EVC: variants seen among roughly 807,000 people sequenced by gnomAD.
EVC encodes the protein evC complex member EVC.
In EVC, 116 loss-of-function variants were observed where a neutral mutation model predicts 118.9. The observed-to-expected ratio is 0.98, with a 90% confidence interval of 0.84 to 1.14. The LOEUF is 1.14. Ranked by LOEUF, EVC falls within the 50% of genes most tolerant of loss-of-function variation. The pLI is 0.00. For missense variants in EVC, 1,401 were observed against 1,246.4 expected (o/e 1.12, Z -1.87); for synonymous variants, 619 against 534.7 (o/e 1.16, Z -2.18).
chr4:5,767,694 T>G (rs2152177324), intron 11 of EVC, among the ~76,000 whole-genome samples: 1 of 152,190 alleles, frequency 6.6e-6, no homozygotes, highest in East Asian at 1.9e-4. Context: ...TTTCTTTGAT[T>G]AGGAAAGGGA....
At chr4:5,822,964 T>C in the EVC span, among the ~76,000 whole-genome samples, 1 of 152,216 alleles carries the variant, frequency 6.6e-6, no homozygotes. Flanking sequence ...GCTCCTTTCT[T>C]GCTGACCTAC....
rs1470506115 is a variant in EVC at position 5,798,636 on chromosome 4, G to T, written c.2148G>T (p.Gln716His). ...GCCGGCTAGAGGAGGAAGCACAGCAGACACGGCTGCAGCTCCAGCAGCGGC... is the reference window on the plus strand; with the variant it reads ...GCCGGCTAGAGGAGGAAGCACAGCATACACGGCTGCAGCTCCAGCAGCGGC... ...EASRLEEEAQ[Q>H]TRLQLQQRLL... is the part of the protein sequence containing the mutation. Residue 716 changes from glutamine (Q) to histidine (H), a missense_variant, in exon 15 of 21, where the codon CAG becomes CAT. Gln to His is a conservative substitution (Grantham distance 24). Coordinates refer to ENST00000264956, the MANE Select transcript of EVC (RefSeq NM_153717.3). This position sits in a 1 kb window ranked among gnomAD's most constrained non-coding sequence, Gnocchi z 4.1. 8.2e-6 allele frequency: 13 copies of T among 1,590,994 alleles called. No homozygotes were observed. The highest frequency in any genetic ancestry group is 1.3e-5 in the African/African-American group (1 of 74,518).
the EVC span, among the ~76,000 whole-genome samples, chr4:5,820,442 G>C: frequency 5.7e-4 from 87 of 152,310 alleles, no homozygotes; most frequent in African/African-American, 2.1e-3. Flanking sequence ...GAAATGTGAA[G>C]TTTAGGAGAT....
the EVC span, chr4:5,821,137 G>C: frequency 6.6e-6 from 1 of 152,606 alleles, no homozygotes; most frequent in Non-Finnish European, 1.5e-5. This position sits in a 1 kb window ranked among gnomAD's most constrained non-coding sequence, Gnocchi z 4.4. Flanking sequence ...ACAGGATGTG[G>C]AGGATGCTTC....
chr4:5,716,428 C>T (rs1041016205), intron 1 of EVC, among the ~76,000 whole-genome samples: 1 of 152,144 alleles, frequency 6.6e-6, no homozygotes, highest in Non-Finnish European at 1.5e-5. Flanking sequence ...GTAGGTTCGG[C>T]AGAAAAGAAC....
intron 11 of EVC, among the ~76,000 whole-genome samples, chr4:5,776,845 G>C (rs1309967881): frequency 1.4e-5 from 2 of 147,894 alleles, no homozygotes; most frequent in Non-Finnish European, 3.0e-5. Flanking sequence ...TTCTAGAACT[G>C]CTAGTTGGCT....
chr4:5,805,336 G>A (rs1002181592), intron 17 of EVC, among the ~76,000 whole-genome samples: 3 of 152,218 alleles, frequency 2.0e-5, no homozygotes, highest in Non-Finnish European at 2.9e-5. Flanking sequence ...CACAGTGCTG[G>A]AGGTCAGAAG....
chr4:5,795,327 T>C lies in EVC; in HGVS notation c.1886+1610T>C, dbSNP rs535387051. Among the ~76,000 whole-genome samples, 6 of 152,274 alleles carry C rather than the reference T, an allele frequency of 3.9e-5. No homozygotes were observed. In the East Asian group the frequency reaches 1.2e-3, roughly 29 times the overall value. ...TACCATCAAGAAGCAGGTGTCTAGCTATGGAATTGGATAATACAAGGGAAA... is the reference window on the plus strand; with the variant it reads ...TACCATCAAGAAGCAGGTGTCTAGCCATGGAATTGGATAATACAAGGGAAA... On this transcript the variant is annotated intron_variant, in intron 13 of 20. Transcript: ENST00000264956.
In EVC at chr4:5,753,795, G is replaced by T; in HGVS notation, c.1326G>T (p.Gln442His). 6.2e-7 allele frequency: 1 copy of T among 1,614,168 alleles called. No individual in the cohort carries two copies. Among genetic ancestry groups the T allele is most frequent in the African/African-American group, 1.3e-5 (1 of 75,064 alleles). ...TTTTTTCAATCCCAGAGTTTGTCCA[G>T]CGAGGCAAAGACCTGGTCACGGCGT... ...EAERFSREFV[Q>H]RGKDLVTASL... Residue 442 changes from glutamine (Q) to histidine (H), a missense_variant, in exon 10 of 21, where the codon CAG becomes CAT. Physicochemically the swap from Gln to His is conservative, Grantham distance 24. Coordinates refer to ENST00000264956, the MANE Select transcript of EVC (RefSeq NM_153717.3).
At chr4:5,827,457 G>C in the EVC span, among the ~76,000 whole-genome samples, 11 of 152,190 alleles carry the variant, frequency 7.2e-5, no homozygotes, top group Non-Finnish European at 2.9e-5. Context: ...ACCAAAACCA[G>C]ATGCAGAGCC....
chr4:5,739,090 A>G (rs1480042337), intron 5 of EVC, among the ~76,000 whole-genome samples: 2 of 152,044 alleles, frequency 1.3e-5, no homozygotes, highest in Non-Finnish European at 2.9e-5. Flanking sequence ...CCTGAAATCA[A>G]CCCTACAATA....
the EVC span, chr4:5,828,469 T>C: frequency 6.2e-7 from 1 of 1,608,394 alleles, no homozygotes; most frequent in Non-Finnish European, 8.5e-7. Context: ...GTGGGCCCGC[T>C]CCCCTGCAGA....
Position 5,794,968 on chromosome 4 carries a change from A to G in EVC, c.1886+1251A>G, listed in dbSNP as rs562659939. On this transcript the variant is annotated intron_variant, in intron 13 of 20. Coordinates refer to ENST00000264956, the MANE Select transcript of EVC (RefSeq NM_153717.3). ...TGCCCAATGTTTAGCTCCCACCTAT[A>G]AGTGAGAACATGCAGTATTTGGTTT... Among the ~76,000 whole-genome samples the G allele has an allele frequency of 1.4e-4, 22 of 152,298 alleles. No individual in the cohort carries two copies. In the South Asian group the frequency reaches 4.6e-3, roughly 32 times the overall value.
rs867058713 is a variant in EVC at position 5,749,343 on chromosome 4, A to G, written c.1098+1037A>G. 1.1e-3 allele frequency among the ~76,000 whole-genome samples: 150 copies of G among 139,370 alleles called. 1 individual carries two copies. Among genetic ancestry groups the G allele is most frequent in the Middle Eastern group, 3.7e-3 (1 of 272 alleles). The allele number at this position is 139,370 out of a possible 152,430, so 91.4% of individuals were successfully genotyped here. ...ACACTAACGATAGCTGATGAGCGGA[A>G]AAAAAAAAAAAAAAAAAGGTCCCTC... On this transcript the variant is annotated intron_variant, in intron 8 of 20. Coordinates refer to ENST00000264956, the MANE Select transcript of EVC (RefSeq NM_153717.3). The surrounding 1 kb of genome is among the most constrained non-coding windows in gnomAD (Gnocchi z 4.4).
At chr4:5,785,041 T>G (rs1440287049) in intron 12 of EVC, among the ~76,000 whole-genome samples, 2 of 152,110 alleles carry the variant, frequency 1.3e-5, no homozygotes, top group East Asian at 3.9e-4. Flanking sequence ...GAAACTAACA[T>G]CCTCAATATC....
intron 7 of EVC, among the ~76,000 whole-genome samples, chr4:5,747,808 T>C (rs1226191362): frequency 6.6e-6 from 1 of 152,242 alleles, no homozygotes; most frequent in African/African-American, 2.4e-5. Flanking sequence ...AAAGCTTCCA[T>C]GAGCACATTG....
downstream of EVC, among the ~76,000 whole-genome samples, chr4:5,815,248 G>A (rs896396487): frequency 2.0e-5 from 3 of 152,224 alleles, no homozygotes; most frequent in Admixed American, 6.5e-5. Context: ...AGAAGTGTGA[G>A]CTCCATGAGC....
chr4:5,785,373 T>G (rs527992784), intron 12 of EVC, among the ~76,000 whole-genome samples: 4 of 151,882 alleles, frequency 2.6e-5, no homozygotes, highest in Admixed American at 6.6e-5. Context: ...AAACAAGCCC[T>G]GTTTCTTTAA....
rs996731679 is a variant in EVC at position 5,798,232 on chromosome 4, T to C, written c.2098-354T>C. On this transcript the variant is annotated intron_variant, in intron 14 of 20. Transcript: ENST00000264956. The surrounding 1 kb of genome is among the most constrained non-coding windows in gnomAD (Gnocchi z 4.1). ...CAAACCTGGCTCTGCTGTGTGACTT[T>C]AGAAAGTTACTTAACTTCTCTGAGC... 6.6e-6 allele frequency among the ~76,000 whole-genome samples: 1 copy of C among 152,234 alleles called. No homozygotes were observed. The highest frequency in any genetic ancestry group is 1.9e-4 in the East Asian group (1 of 5,200).
Sources: allele counts gnomAD v4.1 joint callset (sites outside exome capture counted in the v4.1 genomes callset), GRCh38; gene constraint gnomAD v4.1.1; non-coding constraint Gnocchi (gnomAD v3.1); transcripts MANE v1.5; gene names NCBI Gene and HGNC (gene_info 2026-07-23, HGNC 2026-07-21).